The following MYO5B variants were observed in gnomAD, a reference collection of about 807,000 sequenced individuals.
MYO5B encodes myosin VB.
Under a neutral mutation model 229.3 loss-of-function variants are expected in MYO5B, and 143 were observed. The observed-to-expected ratio is 0.62, with a 90% CI of 0.54 to 0.72. MYO5B has a LOEUF of 0.72. MYO5B is among the 30% of genes least tolerant of loss of function. The pLI is 0.00. For missense variants in MYO5B, 2,321 were observed against 2,331.0 expected (o/e 1.00, Z 0.09); for synonymous variants, 918 against 885.2 (o/e 1.04, Z -0.66).
intron 1 of MYO5B, among the ~76,000 whole-genome samples, chr18:50,075,790 C>T (rs565010885): frequency 6.6e-6 from 1 of 152,262 alleles, no homozygotes. Context: ...TTCATTCTAA[C>T]AGGAGCATGG....
At chr18:50,030,628 T>C (rs1403848093) in intron 4 of MYO5B, among the ~76,000 whole-genome samples, 1 of 151,998 alleles carries the variant, frequency 6.6e-6, no homozygotes, top group African/African-American at 2.4e-5. Flanking sequence ...CTCACCCTCA[T>C]GGGCTCCAGA....
chr18:50,119,931 C>G (rs553833510), intron 1 of MYO5B, among the ~76,000 whole-genome samples: 1 of 151,806 alleles, frequency 6.6e-6, no homozygotes, highest in Admixed American at 6.5e-5. Flanking sequence ...TGGGCTAGAA[C>G]CAAGAGAGAG....
chr18:50,161,112 T>G (rs1278462630), intron 1 of MYO5B, among the ~76,000 whole-genome samples: 4 of 152,088 alleles, frequency 2.6e-5, no homozygotes, highest in Non-Finnish European at 5.9e-5. Flanking sequence ...AAAAAGAGAT[T>G]AACTCACATT....
Position 49,825,760 on chromosome 18 carries a change from C to A in MYO5B, c.*711G>T, listed in dbSNP as rs1408655524. ...CTTTCTCACTTGGAGTTTGGGATAG[C>A]AGCATTTTAATAATCTCTTCCATTA... On this transcript the variant is annotated 3_prime_UTR_variant, in exon 40 of 40. Transcript: ENST00000285039. 6.6e-6 allele frequency: 1 copy of A among 152,622 alleles called. No homozygotes were observed. The highest frequency in any genetic ancestry group is 2.4e-5 in the African/African-American group (1 of 41,442). The allele number at this position is 152,622 out of a possible 1,614,324, so 9.5% of individuals were successfully genotyped here.
chr18:50,025,254 A>C (rs1372136612), intron 4 of MYO5B, among the ~76,000 whole-genome samples: 1 of 152,240 alleles, frequency 6.6e-6, no homozygotes, highest in Non-Finnish European at 1.5e-5. Context: ...TACCATCTAC[A>C]GGTCAAGACC....
intron 22 of MYO5B, among the ~76,000 whole-genome samples, chr18:49,892,578 T>TG (rs1417231911): frequency 6.6e-6 from 1 of 152,222 alleles, no homozygotes; most frequent in Non-Finnish European, 1.5e-5. Flanking sequence ...AGCAGGCCCC[T>TG]GCTCAAGCCT....
intron 29 of MYO5B, among the ~76,000 whole-genome samples, chr18:49,861,346 A>G (rs1377024005): frequency 6.6e-6 from 1 of 152,208 alleles, no homozygotes; most frequent in Non-Finnish European, 1.5e-5. Context: ...CTGCATGAAT[A>G]AAAGAGGCTG....
chr18:49,911,010 T>G (rs1000909272), intron 18 of MYO5B, among the ~76,000 whole-genome samples: 2 of 152,234 alleles, frequency 1.3e-5, no homozygotes, highest in Non-Finnish European at 2.9e-5. Context: ...CAGTCTCAGC[T>G]GTCAGGTGTG....
At chr18:49,962,483 T>C in intron 11 of MYO5B, 77 bp from the exon 12 acceptor site, 2 of 1,589,964 alleles carry the variant, frequency 1.3e-6, no homozygotes, top group African/African-American at 2.7e-5. Flanking sequence ...GCTCAGTGAG[T>C]TCTGGGTTCT....
intron 29 of MYO5B, among the ~76,000 whole-genome samples, chr18:49,858,854 G>T (rs1465239600): frequency 1.3e-5 from 2 of 152,192 alleles, no homozygotes; most frequent in Non-Finnish European, 2.9e-5. Flanking sequence ...CCAGAGGAAA[G>T]AACCCCTGGA....
intron 4 of MYO5B, among the ~76,000 whole-genome samples, chr18:50,013,710 T>C (rs866212324): frequency 6.6e-6 from 1 of 152,172 alleles, no homozygotes; most frequent in South Asian, 2.1e-4. Flanking sequence ...AAACTCACAA[T>C]CATTATCCAT....
Position 49,877,724 on chromosome 18 carries a change from T to A in MYO5B, c.3396+39A>T, listed in dbSNP as rs774826999. On this transcript the variant is annotated intron_variant, in intron 25 of 39. Transcript: ENST00000285039. Reference sequence around the variant, plus strand: ...CACACAGAAAAAAACACACACTCCCTCTGGAGGAGGACAGTACCCAAGAGC... The same window carrying A: ...CACACAGAAAAAAACACACACTCCCACTGGAGGAGGACAGTACCCAAGAGC... 6.8e-6 allele frequency: 11 copies of A among 1,612,752 alleles called. No homozygotes were observed. The South Asian group carries it at 1.2e-4, about 18-fold the overall frequency.
At chr18:49,846,671 T>C (rs1400812315) in intron 33 of MYO5B, among the ~76,000 whole-genome samples, 3 of 152,012 alleles carry the variant, frequency 2.0e-5, no homozygotes, top group East Asian at 1.9e-4. Flanking sequence ...GTTACTAGAG[T>C]GAGTCTCTGT....
At position 49,962,317 on chromosome 18, in the gene MYO5B, G is replaced by A. The variant is rs2025568715; in HGVS notation, c.1494C>T (p.Asp498=). Residue 498 remains aspartate, a synonymous_variant, in exon 12 of 40, where the codon GAC becomes GAT. Coordinates refer to ENST00000285039, the MANE Select transcript of MYO5B (RefSeq NM_001080467.3). The part of the protein sequence containing the change: ...IDFYDNQPCI[D]LIEAKLGILD... ...AGATACCCAGCTTGGCTTCAATGAG[G>A]TCGATACAAGGTTGGTTATCATAAA... 1 of 1,614,170 alleles carries A rather than the reference G, an allele frequency of 6.2e-7. No homozygotes were observed. The highest frequency in any genetic ancestry group is 8.5e-7 in the Non-Finnish European group (1 of 1,180,018).
intron 1 of MYO5B, among the ~76,000 whole-genome samples, chr18:50,179,793 C>G (rs528900848): frequency 6.6e-6 from 1 of 152,124 alleles, no homozygotes; most frequent in Non-Finnish European, 1.5e-5. Flanking sequence ...GCCTGGTTCC[C>G]GAAAGAGCCT....
In MYO5B at chr18:50,175,595, TA is replaced by T. The variant is rs1340139719; in HGVS notation, c.27+19171del. ...AAAATGACTTACTCCTTCCTCCTTTTACTGTCTATGTGAAGTTATTCTTTGT... is the reference window on the plus strand; with the variant it reads ...AAAATGACTTACTCCTTCCTCCTTTTCTGTCTATGTGAAGTTATTCTTTGT... On this transcript the variant is annotated intron_variant, in intron 1 of 39. Transcript: ENST00000285039. Among the ~76,000 whole-genome samples the T allele has an allele frequency of 2.6e-5, 4 of 152,266 alleles. No individual in the cohort carries two copies. In the East Asian group the frequency reaches 5.8e-4, roughly 22 times the overall value.
intron 10 of MYO5B, among the ~76,000 whole-genome samples, chr18:49,963,403 A>ATTTATTT (rs1568049806): frequency 5.7e-4 from 82 of 144,478 alleles, no homozygotes; most frequent in South Asian, 3.3e-3. Flanking sequence ...TATTTAATTT[A>ATTTATTT]ATTAATTAAT....
chr18:50,136,324 A>G (rs993122143), intron 1 of MYO5B, among the ~76,000 whole-genome samples: 125 of 152,210 alleles, frequency 8.2e-4, no homozygotes, highest in African/African-American at 2.6e-3. Context: ...TAGTCTCTGA[A>G]AGGACATCAA....
chr18:50,094,908 A>G (rs189883729), intron 1 of MYO5B, among the ~76,000 whole-genome samples: 1 of 152,116 alleles, frequency 6.6e-6, no homozygotes, highest in African/African-American at 2.4e-5. Flanking sequence ...GCTCACTGCA[A>G]CCTCCACTTC....
Sources: allele counts gnomAD v4.1 joint callset (sites outside exome capture counted in the v4.1 genomes callset), GRCh38; gene constraint gnomAD v4.1.1; transcripts MANE v1.5; gene names NCBI Gene and HGNC (gene_info 2026-07-23, HGNC 2026-07-21).